The following TUSC3 variants were observed in gnomAD, a reference collection of about 807,000 sequenced individuals.
The protein encoded by TUSC3 is dolichyl-diphosphooligosaccharide--protein glycosyltransferase subunit TUSC3.
In TUSC3, 45 loss-of-function variants were observed where a neutral mutation model predicts 44.8. The observed-to-expected ratio is 1.00, with a 90% CI of 0.79 to 1.29. TUSC3 has a LOEUF of 1.29. TUSC3 is among the 50% of genes most tolerant of loss of function. The probability of loss-of-function intolerance (pLI) is 0.00; values close to 1 mark genes in which losing one functional copy is unlikely to be tolerated. For synonymous variants in TUSC3, 212 were observed against 152.9 expected (o/e 1.39, Z -2.85); for missense variants, 519 against 437.9 (o/e 1.19, Z -1.65).
At chr8:15,557,010 T>G (rs1176796585) in intron 1 of TUSC3, among the ~76,000 whole-genome samples, 134 of 143,904 alleles carry the variant, frequency 9.3e-4, no homozygotes, top group African/African-American at 2.7e-3. Flanking sequence ...TTAGTTTAAT[T>G]AGATCCCATT....
chr8:15,777,768 T>A, the TUSC3 span, among the ~76,000 whole-genome samples: 10 of 152,152 alleles, frequency 6.6e-5, no homozygotes, highest in Non-Finnish European at 4.4e-5. Context: ...TCCTGAATTA[T>A]CTCCTTTACA....
intron 7 of TUSC3, among the ~76,000 whole-genome samples, chr8:15,736,145 G>T (rs1395296336): frequency 6.6e-6 from 1 of 152,172 alleles, no homozygotes. Context: ...GCAGGTGCAT[G>T]TGCTTTGTGC....
At chr8:15,605,590 T>A (rs1208313036) in intron 1 of TUSC3, among the ~76,000 whole-genome samples, 5 of 151,890 alleles carry the variant, frequency 3.3e-5, no homozygotes, top group Non-Finnish European at 7.4e-5. Context: ...TAAGATGGAC[T>A]GCATTGCCTT....
intron 3 of TUSC3, chr8:15,651,019 A>C (rs1216818512): frequency 1.8e-6 from 1 of 542,974 alleles, no homozygotes; most frequent in African/African-American, 1.9e-5. Context: ...ACACACACAC[A>C]CACAAATACA....
At chr8:15,548,756 A>G (rs1801957765) in intron 1 of TUSC3, among the ~76,000 whole-genome samples, 2 of 151,848 alleles carry the variant, frequency 1.3e-5, no homozygotes, top group African/African-American at 4.8e-5. Context: ...TGACTGTACA[A>G]CTTGTATGTT....
At chr8:15,537,156 T>TCGG (rs1801535339), upstream of TUSC3, among the ~76,000 whole-genome samples, 2 of 151,668 alleles carry the variant, frequency 1.3e-5, no homozygotes, top group Non-Finnish European at 2.9e-5. Flanking sequence ...CTCTCTGAAG[T>TCGG]CTGTCTGAGA....
At chr8:15,553,973 G>A (rs968773848) in intron 1 of TUSC3, among the ~76,000 whole-genome samples, 4 of 151,656 alleles carry the variant, frequency 2.6e-5, no homozygotes, top group African/African-American at 9.7e-5. Flanking sequence ...CATCAGATGG[G>A]CAGCATATAC....
chr8:15,472,263 A>T (rs1349036562), intron 1 of TUSC3, among the ~76,000 whole-genome samples: 2 of 152,200 alleles, frequency 1.3e-5, no homozygotes, highest in Non-Finnish European at 2.9e-5. Flanking sequence ...TGTCTGTCTC[A>T]AATAATTTCT....
chr8:15,457,504 G>A (rs1414527513), intron 1 of TUSC3, among the ~76,000 whole-genome samples: 1 of 151,274 alleles, frequency 6.6e-6, no homozygotes, highest in Non-Finnish European at 1.5e-5. Flanking sequence ...TTTGGAAATA[G>A]TATGGATTCA....
chr8:15,638,515 C>CTTTTTTTTTTTTTTTTTTT (rs547743726), intron 2 of TUSC3, among the ~76,000 whole-genome samples: 28 of 81,098 alleles, frequency 3.5e-4, no homozygotes, highest in Admixed American at 5.4e-4. Context: ...TTCTTTTTTT[C>CTTTTTTTTTTTTTTTTTTT]TTTTTTTTTT....
the TUSC3 span, chr8:15,807,298 T>C: frequency 1.9e-6 from 1 of 519,822 alleles, no homozygotes; most frequent in South Asian, 2.0e-5. Flanking sequence ...CATAATCCTG[T>C]AGGTCTCTAT....
chr8:15,540,613 C>T (rs756661935), intron 1 of TUSC3, 45 bp downstream of exon 1: 7 of 1,493,726 alleles, frequency 4.7e-6, no homozygotes, highest in Non-Finnish European at 6.3e-6. Context: ...GGGGGCGGGC[C>T]AGGGTGGGCC....
chr8:15,482,218 C>G (rs764516717), intron 1 of TUSC3, among the ~76,000 whole-genome samples: 4 of 152,194 alleles, frequency 2.6e-5, no homozygotes, highest in Admixed American at 6.5e-5. Flanking sequence ...AGTTTTCTTG[C>G]TATTTCCACC....
At chr8:15,431,399 G>A (rs1049884338) in intron 1 of TUSC3, among the ~76,000 whole-genome samples, 3 of 151,514 alleles carry the variant, frequency 2.0e-5, no homozygotes, top group East Asian at 1.9e-4. Flanking sequence ...TCTCACTTCC[G>A]TGTTTAAATT....
rs567725263 is a variant in TUSC3, at chr8:15,563,551, T to C, written c.138+22983T>C. 1.8e-3 allele frequency among the ~76,000 whole-genome samples: 268 copies of C among 152,016 alleles called. 1 individual carries two copies. The highest frequency in any genetic ancestry group is 6.3e-3 in the African/African-American group (260 of 41,500). Reference sequence around the variant, plus strand: ...AAATACAAAAATTAGCTGGTTGTGGTGGCGCATGCCTGTAATACCAGCTAC... The same window carrying C: ...AAATACAAAAATTAGCTGGTTGTGGCGGCGCATGCCTGTAATACCAGCTAC... On this transcript the variant is annotated intron_variant, in intron 1 of 10. Transcript: ENST00000503731.
intron 9 of TUSC3, 31 bp from the exon 10 acceptor site, chr8:15,757,760 T>C (rs755511813): frequency 1.4e-5 from 20 of 1,474,542 alleles, no homozygotes; most frequent in Middle Eastern, 1.7e-4. Flanking sequence ...TTTTTCCATA[T>C]TGTTGTATTT....
At chr8:15,637,232 C>T (rs747736615) in intron 2 of TUSC3, among the ~76,000 whole-genome samples, 11 of 147,394 alleles carry the variant, frequency 7.5e-5, no homozygotes, top group Admixed American at 7.4e-4. Context: ...CCCATTCCCT[C>T]TTAAACTTTT....
At chr8:15,777,612 T>C in the TUSC3 span, among the ~76,000 whole-genome samples, 1 of 152,206 alleles carries the variant, frequency 6.6e-6, no homozygotes, top group African/African-American at 2.4e-5. Flanking sequence ...GCCTTTACTT[T>C]TTGAAATTTT....
intron 2 of TUSC3, among the ~76,000 whole-genome samples, chr8:15,631,668 T>TTG (rs147004169): frequency 0.096 from 13,997 of 145,072 alleles, 669 homozygotes; most frequent in East Asian, 0.18. Context: ...TTTAAGGCTG[T>TTG]TGTGTGTGTG....
Sources: allele counts gnomAD v4.1 joint callset (sites outside exome capture counted in the v4.1 genomes callset), GRCh38; gene constraint gnomAD v4.1.1; transcripts MANE v1.5; gene names NCBI Gene and HGNC (gene_info 2026-07-23, HGNC 2026-07-21).